Variants in REEP3 observed in about 807,000 individuals in gnomAD.
REEP3 encodes the protein receptor expression-enhancing protein 3.
A neutral mutation model predicts 41.3 loss-of-function variants in REEP3; 20 were observed. The observed-to-expected ratio is 0.48, with a 90% CI of 0.34 to 0.70. The LOEUF is 0.70. Among genes scored for constraint, REEP3 ranks in the 30% least tolerant of loss-of-function variants. The pLI is 0.01. For synonymous variants in REEP3, 104 were observed against 101.8 expected (o/e 1.02, Z -0.13); for missense variants, 271 against 308.8 (o/e 0.88, Z 0.92).
intron 1 of REEP3, among the ~76,000 whole-genome samples, chr10:63,545,537 G>C (rs1460467651): frequency 6.6e-6 from 1 of 151,924 alleles, no homozygotes; most frequent in Non-Finnish European, 1.5e-5. Flanking sequence ...ACCATGCCCA[G>C]CTAATTTTTG....
intron 1 of REEP3, among the ~76,000 whole-genome samples, chr10:63,533,164 TTAAACTATACTGCTTGTA>T (rs1053675892): frequency 3.3e-5 from 5 of 152,212 alleles, no homozygotes; most frequent in African/African-American, 9.6e-5. Flanking sequence ...GTTGAAGATC[TTAAACTATACTGCTTGTA>T]TGCTTCCTGT....
intron 1 of REEP3, among the ~76,000 whole-genome samples, chr10:63,565,422 A>T (rs192637184): frequency 6.6e-6 from 1 of 152,292 alleles, no homozygotes; most frequent in East Asian, 1.9e-4. Context: ...TATGTCTTGG[A>T]CCTGGGATTT....
intron 1 of REEP3, among the ~76,000 whole-genome samples, chr10:63,524,049 C>A (rs1955333355): frequency 6.6e-6 from 1 of 152,102 alleles, no homozygotes; most frequent in Non-Finnish European, 1.5e-5. Context: ...AAGAAAATGT[C>A]ATGAAAAGAA....
chr10:63,534,324 C>T (rs1429561532), intron 1 of REEP3, among the ~76,000 whole-genome samples: 28 of 151,914 alleles, frequency 1.8e-4, no homozygotes, highest in Admixed American at 1.8e-3. Flanking sequence ...AGTCATAGTT[C>T]ACTGTAACCT....
At chr10:63,541,471 G>C (rs1955527551) in intron 1 of REEP3, among the ~76,000 whole-genome samples, 1 of 152,076 alleles carries the variant, frequency 6.6e-6, no homozygotes, top group Non-Finnish European at 1.5e-5. Flanking sequence ...AGTACAAAAG[G>C]ATAAAGTTTC....
At position 63,558,025 on chromosome 10, in the gene REEP3, A is replaced by G. The variant is rs537102099; in HGVS notation, c.33-8313A>G. Among the ~76,000 whole-genome samples the G allele has an allele frequency of 1.4e-3, 209 of 152,200 alleles. 3 individuals are homozygous for G. The highest frequency in any genetic ancestry group is 4.3e-4 in the Non-Finnish European group (29 of 68,044). On this transcript the variant is annotated intron_variant, in intron 1 of 7. Transcript: ENST00000373758. ...CTCATATGAAATTTCATATGTAGGG[A>G]TACTGACTAATAAAATAGTGCCGTA...
chr10:63,601,684 C>T (rs1339765726), intron 5 of REEP3, among the ~76,000 whole-genome samples: 1 of 152,050 alleles, frequency 6.6e-6, no homozygotes, highest in Non-Finnish European at 1.5e-5. Context: ...TTTGGGAGGC[C>T]GAGGTAGGTG....
intron 2 of REEP3, among the ~76,000 whole-genome samples, chr10:63,583,914 G>A (rs1418765894): frequency 1.3e-5 from 2 of 152,046 alleles, no homozygotes; most frequent in African/African-American, 4.8e-5. Flanking sequence ...TCTGCTCCTG[G>A]GAACAGTTCC....
intron 1 of REEP3, chr10:63,521,911 C>T (rs1399018641): frequency 6.6e-6 from 1 of 150,628 alleles, no homozygotes; most frequent in African/African-American, 2.4e-5. Context: ...GCGCGCGCTC[C>T]CCGCTCCTGC....
In REEP3 at chr10:63,598,094, A is replaced by G. The variant is rs769278826; in HGVS notation, c.253A>G (p.Ser85Gly). The change falls in exon 4 of 8, where the codon AGT (serine) becomes GGT (glycine). Residue 85 changes from serine to glycine, a missense_variant. By Grantham distance (56) the Ser-to-Gly change is moderately conservative. Coordinates refer to ENST00000373758, the MANE Select transcript of REEP3 (RefSeq NM_001001330.3). Reference sequence around the variant, plus strand: ...GCTTTCTCCCTATACCAAAGGAGCAAGTTTAATATATAGAAAATTCCTTCA... The same window carrying G: ...GCTTTCTCCCTATACCAAAGGAGCAGGTTTAATATATAGAAAATTCCTTCA... ...WLLSPYTKGASLIYRKFLHPL... is the reference protein window; with the variant it reads ...WLLSPYTKGAGLIYRKFLHPL... 1 of 1,595,406 alleles carries G rather than the reference A, an allele frequency of 6.3e-7. No homozygotes were observed. Among genetic ancestry groups the G allele is most frequent in the Non-Finnish European group, 8.6e-7 (1 of 1,163,138 alleles).
chr10:63,555,113 A>G (rs1955665188), intron 1 of REEP3, among the ~76,000 whole-genome samples: 1 of 152,220 alleles, frequency 6.6e-6, no homozygotes, highest in Admixed American at 6.5e-5. Context: ...TCTAACATGA[A>G]AATTCCAAGT....
At chr10:63,612,528 C>T (rs1429429476) in intron 6 of REEP3, among the ~76,000 whole-genome samples, 1 of 152,162 alleles carries the variant, frequency 6.6e-6, no homozygotes, top group Admixed American at 6.5e-5. Flanking sequence ...CAGTGGCTCA[C>T]ACCTGTAATC....
rs73298581 is a variant in REEP3, at chr10:63,530,930, A to G, written c.32+9353A>G. 3.1e-3 allele frequency among the ~76,000 whole-genome samples: 467 copies of G among 152,350 alleles called. 2 individuals carry two copies. Among genetic ancestry groups the G allele is most frequent in the African/African-American group, 0.01 (434 of 41,572 alleles). ...ATTTGCACTAAACTAATCCTTTCAT[A>G]CAACTTTTGAGGTAAATGAGAGGTT... On this transcript the variant is annotated intron_variant, in intron 1 of 7. Transcript: ENST00000373758.
At chr10:63,580,869 G>A (rs1227930868) in intron 2 of REEP3, among the ~76,000 whole-genome samples, 5 of 151,958 alleles carry the variant, frequency 3.3e-5, no homozygotes, top group South Asian at 2.1e-4. Context: ...AAAAATAGCC[G>A]GGCATAGAGA....
intron 1 of REEP3, among the ~76,000 whole-genome samples, chr10:63,545,787 G>C (rs888823644): frequency 6.8e-6 from 1 of 147,178 alleles, no homozygotes; most frequent in Non-Finnish European, 1.5e-5. Context: ...TCCGGGGTTC[G>C]AGTGATTCTT....
chr10:63,597,886 G>T (rs1956130818), intron 3 of REEP3, 138 bp from the exon 4 acceptor site: 1 of 629,310 alleles, frequency 1.6e-6, no homozygotes, highest in South Asian at 2.3e-5. Flanking sequence ...GCACTCAGAT[G>T]ACAAGAGCAA....
chr10:63,562,837 T>G (rs1004686542), intron 1 of REEP3: 1 of 430,480 alleles, frequency 2.3e-6, no homozygotes, highest in Non-Finnish European at 4.6e-6. Context: ...AATATATATG[T>G]GTTATGGGCT....
intron 1 of REEP3, chr10:63,521,913 C>G (rs1182933411): frequency 3.3e-5 from 5 of 150,640 alleles, no homozygotes; most frequent in South Asian, 2.0e-4. Flanking sequence ...GCGCGCTCCC[C>G]GCTCCTGCTC....
At chr10:63,597,994 C>A in intron 3 of REEP3, 30 bp from the exon 4 acceptor site, 1 of 1,562,268 alleles carries the variant, frequency 6.4e-7, no homozygotes, top group Non-Finnish European at 8.7e-7. Context: ...TTTTCACTGG[C>A]AGTTTATTTC....
Sources: allele counts gnomAD v4.1 joint callset (sites outside exome capture counted in the v4.1 genomes callset), GRCh38; gene constraint gnomAD v4.1.1; transcripts MANE v1.5; gene names NCBI Gene and HGNC (gene_info 2026-07-23, HGNC 2026-07-21).